TAMM41: variants seen among roughly 807,000 people sequenced by gnomAD.
TAMM41 encodes TAM41 mitochondrial translocator assembly and maintenance homolog, also known as phosphatidate cytidylyltransferase, mitochondrial.
Under a neutral mutation model 44.1 loss-of-function variants are expected in TAMM41, and 36 were observed. The observed-to-expected ratio is 0.82, with a 90% CI of 0.63 to 1.08. The LOEUF (loss-of-function observed/expected upper bound fraction) is 1.08. Among genes scored for constraint, TAMM41 ranks in the 50% least tolerant of loss-of-function variants. TAMM41 has a pLI of 0.00. For missense variants in TAMM41, 417 were observed against 404.3 expected, an observed-to-expected ratio of 1.03 and a Z score of -0.27; for synonymous variants, 164 against 153.1, an observed-to-expected ratio of 1.07 and a Z score of -0.53.
At chr3:11,817,943 T>C (rs899222722) in intron 4 of TAMM41, among the ~76,000 whole-genome samples, 1 of 152,234 alleles carries the variant, frequency 6.6e-6, no homozygotes, top group African/African-American at 2.4e-5. Flanking sequence ...ATGGGATGAA[T>C]TGAGCTGAAA....
At chr3:11,829,572 G>C (rs1439000976) in intron 4 of TAMM41, 142 bp downstream of exon 4, 4 of 811,172 alleles carry the variant, frequency 4.9e-6, no homozygotes, top group East Asian at 5.0e-5. Flanking sequence ...CAAATCACGA[G>C]GTTAGTGCAG....
the TAMM41 span, among the ~76,000 whole-genome samples, chr3:11,768,453 T>C: frequency 6.6e-6 from 1 of 152,216 alleles, no homozygotes; most frequent in African/African-American, 2.4e-5. Flanking sequence ...CTTTTTAAAG[T>C]CGTGAATGTA....
chr3:11,802,000 C>T (rs1316985422), intron 7 of TAMM41, among the ~76,000 whole-genome samples: 1 of 152,048 alleles, frequency 6.6e-6, no homozygotes, highest in African/African-American at 2.4e-5. Context: ...GCTGGCGGAT[C>T]GAGATTCTAG....
chr3:11,828,281 A>G (rs1476398526), intron 4 of TAMM41, among the ~76,000 whole-genome samples: 2 of 152,192 alleles, frequency 1.3e-5, no homozygotes, highest in Non-Finnish European at 2.9e-5. Flanking sequence ...AAATCAGCTA[A>G]ACTTGGTAGC....
chr3:11,823,985 C>G (rs1280347171), intron 4 of TAMM41, among the ~76,000 whole-genome samples: 1 of 151,614 alleles, frequency 6.6e-6, no homozygotes, highest in East Asian at 2.0e-4. Context: ...ACCACCACAT[C>G]CAACTAATTT....
At chr3:11,813,654 A>C (rs1023245299) in intron 5 of TAMM41, among the ~76,000 whole-genome samples, 1 of 152,070 alleles carries the variant, frequency 6.6e-6, no homozygotes, top group African/African-American at 2.4e-5. Flanking sequence ...CTCATTCTTT[A>C]AAAACAGGCC....
chr3:11,844,972 C>T (rs527656368), intron 1 of TAMM41: 37 of 456,610 alleles, frequency 8.1e-5, no homozygotes, highest in Admixed American at 7.0e-4. Flanking sequence ...TTGAAGGACA[C>T]GTGAGTTAAA....
At chr3:11,748,658 C>T in the TAMM41 span, among the ~76,000 whole-genome samples, 4 of 152,142 alleles carry the variant, frequency 2.6e-5, no homozygotes, top group Non-Finnish European at 4.4e-5. Context: ...GAATTACAGG[C>T]GTGAGCCACT....
chr3:11,761,484 T>C, the TAMM41 span, among the ~76,000 whole-genome samples: 1 of 152,106 alleles, frequency 6.6e-6, no homozygotes, highest in Non-Finnish European at 1.5e-5. Context: ...GAAATGCAGT[T>C]CCAGGCCCCA....
At chr3:11,782,242 T>C in the TAMM41 span, among the ~76,000 whole-genome samples, 1 of 152,166 alleles carries the variant, frequency 6.6e-6, no homozygotes, top group African/African-American at 2.4e-5. Context: ...TTCTTGGTTG[T>C]AAAATTTTTT....
chr3:11,807,579 C>T (rs1392618379), intron 7 of TAMM41: 4 of 1,536,020 alleles, frequency 2.6e-6, no homozygotes, highest in Non-Finnish European at 2.6e-6. Context: ...AAACCCTGCA[C>T]ACAGGAAGTG....
At chr3:11,746,735 A>G in the TAMM41 span, among the ~76,000 whole-genome samples, 1 of 152,044 alleles carries the variant, frequency 6.6e-6, no homozygotes, top group Non-Finnish European at 1.5e-5. Context: ...TGCAGCCTCA[A>G]ATGATCCTCC....
chr3:11,786,294 TA>T (rs2077417261), downstream of TAMM41, among the ~76,000 whole-genome samples: 187 of 98,750 alleles, frequency 1.9e-3, no homozygotes, highest in African/African-American at 5.4e-3. Flanking sequence ...ATTTTATTAT[TA>T]TTATTATTAT....
chr3:11,822,303 A>C (rs2078556318), intron 4 of TAMM41, among the ~76,000 whole-genome samples: 1 of 152,238 alleles, frequency 6.6e-6, no homozygotes, highest in African/African-American at 2.4e-5. Flanking sequence ...ACTGTTTTTC[A>C]GATATAATTC....
the TAMM41 span, among the ~76,000 whole-genome samples, chr3:11,768,529 T>A: frequency 3.3e-5 from 5 of 152,222 alleles, no homozygotes; most frequent in Non-Finnish European, 5.9e-5. Context: ...AAGAAAAACA[T>A]ATGTTTTATG....
chr3:11,801,480 A>ATGCACAGC lies in TAMM41; in HGVS notation c.937+6345_937+6352dup, dbSNP rs1015030205. Among the ~76,000 whole-genome samples, 12 of 152,152 alleles carry ATGCACAGC rather than the reference A, an allele frequency of 7.9e-5. 1 individual carries two copies. Among genetic ancestry groups the ATGCACAGC allele is most frequent in the African/African-American group, 2.9e-4 (12 of 41,522 alleles). On this transcript the variant is annotated intron_variant, in intron 7 of 7. Coordinates refer to ENST00000455809, the MANE Select transcript of TAMM41 (RefSeq NM_001284401.2). ...GCTGGGACTACAGGCACATACCACC[A>ATGCACAGC]TGCACAGCTGCACAGCTAATTTTTT...
intron 4 of TAMM41, among the ~76,000 whole-genome samples, chr3:11,818,194 G>C (rs557195612): frequency 1.3e-5 from 2 of 152,320 alleles, no homozygotes; most frequent in South Asian, 4.1e-4. Context: ...AATTGTCAGG[G>C]GGAGTAGAGA....
At chr3:11,730,461 G>A in the TAMM41 span, among the ~76,000 whole-genome samples, 40 of 150,446 alleles carry the variant, frequency 2.7e-4, no homozygotes, top group Non-Finnish European at 4.7e-4. Context: ...TTGGCTGGGC[G>A]CGGTGGCTCA....
chr3:11,845,031 G>A (rs1349750833), intron 1 of TAMM41: 8 of 455,618 alleles, frequency 1.8e-5, no homozygotes, highest in South Asian at 3.1e-5. Flanking sequence ...GTAGGGAGCC[G>A]TGTTGGAGGA....
Sources: gnomAD v4.1 joint callset for allele counts (sites outside exome capture counted in the v4.1 genomes callset) on GRCh38, gnomAD v4.1.1 for gene constraint, MANE v1.5 for transcripts, NCBI Gene and HGNC (gene_info 2026-07-23, HGNC 2026-07-21) for gene names.